IMMP2L: variants seen among roughly 807,000 people sequenced by gnomAD.
IMMP2L encodes mitochondrial inner membrane protease subunit 2.
In IMMP2L, 18 loss-of-function variants were observed where a neutral mutation model predicts 19.3. That is an observed-to-expected ratio of 0.93 (90% CI 0.64 to 1.38). The LOEUF (loss-of-function observed/expected upper bound fraction) is 1.38, where lower values mean the gene tolerates loss of function less well. Among genes scored for constraint, IMMP2L ranks in the 40% most tolerant of loss-of-function variants. IMMP2L has a pLI of 0.00. For missense variants in IMMP2L, 233 were observed against 218.2 expected (o/e 1.07, Z -0.43); for synonymous variants, 76 against 73.0 (o/e 1.04, Z -0.21).
At chr7:111,489,756 C>T (rs1842942766) in intron 2 of IMMP2L, among the ~76,000 whole-genome samples, 1 of 152,144 alleles carries the variant, frequency 6.6e-6, no homozygotes, top group African/African-American at 2.4e-5. Context: ...CTTTCACCAA[C>T]TCCTTTAGTG....
At chr7:111,486,973 T>C (rs987495327) in intron 3 of IMMP2L, among the ~76,000 whole-genome samples, 6 of 152,164 alleles carry the variant, frequency 3.9e-5, no homozygotes, top group Non-Finnish European at 8.8e-5. Flanking sequence ...ACCAAATGCA[T>C]GTATTTTTAA....
intron 3 of IMMP2L, among the ~76,000 whole-genome samples, chr7:111,285,341 A>G (rs1363440666): frequency 1.3e-5 from 2 of 152,204 alleles, no homozygotes; most frequent in Non-Finnish European, 2.9e-5. Context: ...TTTACAAAAT[A>G]ATTAGCAATG....
intron 3 of IMMP2L, among the ~76,000 whole-genome samples, chr7:111,316,432 A>C (rs896326414): frequency 6.6e-6 from 1 of 152,188 alleles, no homozygotes; most frequent in Non-Finnish European, 1.5e-5. Flanking sequence ...CTTAGTTATG[A>C]TCTAAATGTA....
rs531942972 is a variant in IMMP2L, at chr7:111,472,722, CTT to C, written c.239+14514_239+14515del. On this transcript the variant is annotated intron_variant, in intron 3 of 5. Coordinates refer to ENST00000405709, the MANE Select transcript of IMMP2L (RefSeq NM_032549.4). ...GTAAACATCACTTGAAACTTTAAAA[CTT>C]AATTTTATGAGACATCTTAATAAGC... Among the ~76,000 whole-genome samples, 18 of 152,268 alleles carry C rather than the reference CTT, an allele frequency of 1.2e-4. No individual in the cohort carries two copies. In the South Asian group the frequency reaches 3.7e-3, roughly 32 times the overall value.
rs1331095974 is a variant in IMMP2L at position 110,775,763 on chromosome 7, T to C, written c.408+110830A>G. ...AACATTAAATGTAGAGTAAAGTAAA[T>C]GTAAAGTATGGCAACCACCAAACAG... On this transcript the variant is annotated intron_variant, in intron 5 of 5. Coordinates refer to ENST00000405709, the MANE Select transcript of IMMP2L (RefSeq NM_032549.4). Among the ~76,000 whole-genome samples, 3 of 151,938 alleles carry C rather than the reference T, an allele frequency of 2.0e-5. No homozygotes were observed. The East Asian group carries it at 5.8e-4, about 29-fold the overall frequency.
chr7:110,909,686 C>G (rs1326779852), intron 4 of IMMP2L, among the ~76,000 whole-genome samples: 1 of 152,164 alleles, frequency 6.6e-6, no homozygotes, highest in African/African-American at 2.4e-5. Flanking sequence ...TTCAGGCCCT[C>G]TTGAGTTGAG....
intron 5 of IMMP2L, among the ~76,000 whole-genome samples, chr7:110,715,785 A>G (rs1589882): frequency 6.6e-6 from 1 of 151,908 alleles, no homozygotes; most frequent in East Asian, 1.9e-4. Context: ...GTCAAGTATC[A>G]AACTTAAGTT....
chr7:111,089,866 T>G (rs568762589), intron 3 of IMMP2L, among the ~76,000 whole-genome samples: 1 of 151,632 alleles, frequency 6.6e-6, no homozygotes, highest in South Asian at 2.1e-4. Context: ...TTAAAATTTT[T>G]CCTGGTATTA....
chr7:110,874,460 G>A (rs986857296), intron 5 of IMMP2L, among the ~76,000 whole-genome samples: 1 of 152,022 alleles, frequency 6.6e-6, no homozygotes, highest in Admixed American at 6.6e-5. Flanking sequence ...CAGTGAGATG[G>A]TTAGGGGTAA....
intron 5 of IMMP2L, among the ~76,000 whole-genome samples, chr7:110,713,699 C>G (rs900887295): frequency 4.0e-5 from 6 of 149,238 alleles, no homozygotes; most frequent in African/African-American, 1.5e-4. Flanking sequence ...TGGTGTGTGG[C>G]TATTGTAAAT....
intron 3 of IMMP2L, among the ~76,000 whole-genome samples, chr7:111,041,809 T>C (rs1791923829): frequency 2.0e-5 from 3 of 152,258 alleles, no homozygotes; most frequent in African/African-American, 7.2e-5. Context: ...GTCCCGCATA[T>C]AGTACATAGG....
intron 5 of IMMP2L, among the ~76,000 whole-genome samples, chr7:110,682,458 CAA>C (rs1792793048): frequency 6.6e-6 from 1 of 152,016 alleles, no homozygotes; most frequent in South Asian, 2.1e-4. Flanking sequence ...GAAAGATGCT[CAA>C]AAAAGTTTGT....
chr7:110,771,660 A>G (rs6946794), intron 5 of IMMP2L, among the ~76,000 whole-genome samples: 39,848 of 152,110 alleles, frequency 0.26, 5,882 homozygotes, highest in African/African-American at 0.4. Flanking sequence ...TTAAATGTTA[A>G]CTAAACATAC....
chr7:110,885,227 C>G (rs2129545395), intron 5 of IMMP2L, among the ~76,000 whole-genome samples: 1 of 151,876 alleles, frequency 6.6e-6, no homozygotes, highest in East Asian at 1.9e-4. Flanking sequence ...ATGAGCATAT[C>G]TAATCCCAAA....
At chr7:111,413,945 A>G (rs1002466511) in intron 3 of IMMP2L, among the ~76,000 whole-genome samples, 1 of 151,790 alleles carries the variant, frequency 6.6e-6, no homozygotes, top group Non-Finnish European at 1.5e-5. Context: ...TGATACTCAC[A>G]TCCCAGCAAG....
intron 3 of IMMP2L, among the ~76,000 whole-genome samples, chr7:111,286,386 C>T (rs1297154292): frequency 1.3e-5 from 2 of 152,092 alleles, no homozygotes; most frequent in African/African-American, 4.8e-5. Context: ...GCAATAATGA[C>T]TTAACTGAGA....
intron 3 of IMMP2L, among the ~76,000 whole-genome samples, chr7:111,217,935 G>A (rs1812127815): frequency 6.6e-6 from 1 of 151,974 alleles, no homozygotes; most frequent in Non-Finnish European, 1.5e-5. Context: ...CTCTGGAGGT[G>A]GGTGTTAGAA....
intron 3 of IMMP2L, among the ~76,000 whole-genome samples, chr7:111,406,506 G>C (rs755226404): frequency 6.6e-6 from 1 of 152,022 alleles, no homozygotes; most frequent in Non-Finnish European, 1.5e-5. Flanking sequence ...AGCCATGCAA[G>C]GTGTGGCCTC....
At chr7:111,218,244 G>A (rs1481521628) in intron 3 of IMMP2L, among the ~76,000 whole-genome samples, 1 of 151,900 alleles carries the variant, frequency 6.6e-6, no homozygotes, top group Non-Finnish European at 1.5e-5. Flanking sequence ...CACCAGACCT[G>A]GTAAACCAAG....
Sources: allele counts gnomAD v4.1 joint callset (sites outside exome capture counted in the v4.1 genomes callset), GRCh38; gene constraint gnomAD v4.1.1; transcripts MANE v1.5; gene names NCBI Gene and HGNC (gene_info 2026-07-23, HGNC 2026-07-21).